Variants in NMBR observed in about 807,000 individuals in gnomAD.
NMBR encodes neuromedin-B receptor.
A neutral mutation model predicts 20.5 loss-of-function variants in NMBR; 16 were observed. That is an observed-to-expected ratio of 0.78 (90% confidence interval 0.53 to 1.19). The LOEUF is 1.19. Ranked by LOEUF, NMBR falls within the 50% of genes most tolerant of loss-of-function variation. The pLI, the probability that NMBR is intolerant of heterozygous loss-of-function variation, is 0.00. For missense variants in NMBR, 582 were observed against 499.1 expected (o/e 1.17, Z -1.58); for synonymous variants, 212 against 196.6 (o/e 1.08, Z -0.65).
At chr6:142,140,774 C>G (rs934120684) in intron 1 of NMBR, among the ~76,000 whole-genome samples, 2 of 151,908 alleles carry the variant, frequency 1.3e-5, no homozygotes, top group Non-Finnish European at 2.9e-5. Flanking sequence ...TCAGAGAGCT[C>G]AATTGGCTAT....
chr6:142,126,261 C>CTCTCTCTCTCTGTGTGTGTGTG (rs763551613), intron 1 of NMBR, among the ~76,000 whole-genome samples: 5 of 149,170 alleles, frequency 3.4e-5, no homozygotes, highest in Admixed American at 2.7e-4. Flanking sequence ...CTCTCTCTCT[C>CTCTCTCTCTCTGTGTGTGTGTG]TGTGTGTGTG....
intron 2 of NMBR, among the ~76,000 whole-genome samples, chr6:142,082,976 T>C (rs1453797666): frequency 3.3e-5 from 5 of 152,200 alleles, no homozygotes; most frequent in African/African-American, 7.2e-5. Flanking sequence ...ATTTATAGTG[T>C]GTCCCAAAAG....
At chr6:142,097,626 T>C (rs1181237752) in intron 1 of NMBR, among the ~76,000 whole-genome samples, 3 of 152,084 alleles carry the variant, frequency 2.0e-5, no homozygotes, top group Non-Finnish European at 4.4e-5. Context: ...TTAAACTATG[T>C]AGAACGCAAC....
At chr6:142,093,751 T>C (rs1157566652) in intron 1 of NMBR, among the ~76,000 whole-genome samples, 1 of 152,200 alleles carries the variant, frequency 6.6e-6, no homozygotes, top group Non-Finnish European at 1.5e-5. Flanking sequence ...ATGGTTGAAC[T>C]AGTTTACAGT....
At chr6:142,077,672 C>T (rs980100063) in intron 3 of NMBR, among the ~76,000 whole-genome samples, 23 of 152,296 alleles carry the variant, frequency 1.5e-4, no homozygotes, top group Admixed American at 1.2e-3. Context: ...TGCTAACATG[C>T]CCAAGGCCCC....
At chr6:142,096,505 G>A (rs1401379913) in intron 1 of NMBR, among the ~76,000 whole-genome samples, 1 of 152,148 alleles carries the variant, frequency 6.6e-6, no homozygotes, top group East Asian at 1.9e-4. Context: ...TTAATCCTGA[G>A]TTCTAGTTTG....
intron 1 of NMBR, among the ~76,000 whole-genome samples, chr6:142,143,750 A>T (rs1209902894): frequency 6.6e-6 from 1 of 151,098 alleles, no homozygotes; most frequent in Non-Finnish European, 1.5e-5. Context: ...AATACAGGAG[A>T]TGTAGAATAG....
intron 2 of NMBR, among the ~76,000 whole-genome samples, chr6:142,083,244 G>T (rs992275999): frequency 1.3e-5 from 2 of 152,186 alleles, no homozygotes; most frequent in South Asian, 4.2e-4. Context: ...ATTATGTGCA[G>T]AAACTACAAT....
At chr6:142,099,760 A>G (rs541760959) in intron 1 of NMBR, among the ~76,000 whole-genome samples, 4 of 152,346 alleles carry the variant, frequency 2.6e-5, no homozygotes, top group African/African-American at 9.6e-5. Flanking sequence ...TGTCAAGACA[A>G]TAAGCAGGCT....
At chr6:142,114,412 T>C (rs575308768) in intron 1 of NMBR, among the ~76,000 whole-genome samples, 2 of 152,216 alleles carry the variant, frequency 1.3e-5, no homozygotes, top group Admixed American at 1.3e-4. Flanking sequence ...TTTTCAGTAA[T>C]TGAATGAGAA....
At chr6:142,091,333 C>T (rs778561435) in intron 1 of NMBR, among the ~76,000 whole-genome samples, 5 of 152,104 alleles carry the variant, frequency 3.3e-5, no homozygotes, top group Admixed American at 6.6e-5. Flanking sequence ...AACAATTCTC[C>T]TGCCTCACCT....
intron 2 of NMBR, among the ~76,000 whole-genome samples, chr6:142,080,882 C>T (rs749539154): frequency 9.9e-5 from 15 of 152,066 alleles, no homozygotes; most frequent in Admixed American, 2.0e-4. Context: ...CTTTCCTCCA[C>T]GTATTTAAAA....
At chr6:142,081,521 C>T (rs994217143) in intron 2 of NMBR, among the ~76,000 whole-genome samples, 3 of 152,232 alleles carry the variant, frequency 2.0e-5, no homozygotes, top group East Asian at 3.9e-4. Flanking sequence ...GAATGATACA[C>T]ATTTGAATAA....
intron 1 of NMBR, among the ~76,000 whole-genome samples, chr6:142,091,392 T>A (rs569955538): frequency 2.0e-5 from 3 of 152,240 alleles, no homozygotes; most frequent in East Asian, 3.9e-4. Context: ...CCTGGCTAAC[T>A]TTTTTAATTT....
At chr6:142,079,109 A>AGAGAGAGAGAGAAAGAAG in intron 2 of NMBR, among the ~76,000 whole-genome samples, 1 of 48,912 alleles carries the variant, frequency 2.0e-5, no homozygotes, top group Non-Finnish European at 3.4e-5. Context: ...AGAGAGAGAA[A>AGAGAGAGAGAGAAAGAAG]GAAAGAAAGA....
intron 1 of NMBR, among the ~76,000 whole-genome samples, chr6:142,130,786 T>A (rs1272946782): frequency 6.6e-6 from 1 of 152,098 alleles, no homozygotes; most frequent in Non-Finnish European, 1.5e-5. Flanking sequence ...GGGAAGACAC[T>A]TTCGGCCAAG....
At chr6:142,079,098 G>GAGAGAA (rs1777031970) in intron 2 of NMBR, among the ~76,000 whole-genome samples, 195 bp from the exon 3 acceptor site, 1 of 63,602 alleles carries the variant, frequency 1.6e-5, no homozygotes, top group South Asian at 4.0e-4. Context: ...GAGAGAAAGA[G>GAGAGAA]AGAGAGAGAA....
intron 1 of NMBR, chr6:142,133,803 T>A: frequency 1.7e-6 from 1 of 594,328 alleles, no homozygotes; most frequent in Non-Finnish European, 3.1e-6. Flanking sequence ...ATGTCCTCCT[T>A]TAATGTTTGT....
chr6:142,081,275 A>C (rs1012934272), intron 2 of NMBR, among the ~76,000 whole-genome samples: 3 of 152,166 alleles, frequency 2.0e-5, no homozygotes, highest in Non-Finnish European at 2.9e-5. Flanking sequence ...TCAACATATG[A>C]ATTTTGGCCA....
Sources: gnomAD v4.1 joint callset for allele counts (sites outside exome capture counted in the v4.1 genomes callset) on GRCh38, gnomAD v4.1.1 for gene constraint, MANE v1.5 for transcripts, NCBI Gene and HGNC (gene_info 2026-07-23, HGNC 2026-07-21) for gene names.